GRAMD2B: variants seen among roughly 807,000 people sequenced by gnomAD.
GRAMD2B encodes GRAM domain-containing protein 2B.
Under a neutral mutation model 59.2 loss-of-function variants are expected in GRAMD2B, and 41 were observed. The ratio of observed to expected loss-of-function variants is 0.69; its 90% CI spans 0.54 to 0.90. The LOEUF is 0.90. GRAMD2B is among the 40% of genes least tolerant of loss of function. The probability of loss-of-function intolerance (pLI) is 0.00; values close to 1 mark genes in which losing one functional copy is unlikely to be tolerated. For missense variants in GRAMD2B, 424 were observed against 500.5 expected (o/e 0.85, Z 1.46); for synonymous variants, 161 against 182.7 (o/e 0.88, Z 0.96).
At chr5:126,375,659 C>A (rs1014449787) in intron 1 of GRAMD2B, among the ~76,000 whole-genome samples, 1 of 152,124 alleles carries the variant, frequency 6.6e-6, no homozygotes, top group Non-Finnish European at 1.5e-5. Flanking sequence ...CATGAGCCAC[C>A]GCGCCCGGCC....
intron 1 of GRAMD2B, among the ~76,000 whole-genome samples, chr5:126,411,201 TC>T (rs1758754619): frequency 6.6e-6 from 1 of 152,048 alleles, no homozygotes; most frequent in African/African-American, 2.4e-5. Flanking sequence ...AAATGGTGTT[TC>T]CTAGGTTTTC....
chr5:126,418,091 T>C (rs1759409518), intron 1 of GRAMD2B, among the ~76,000 whole-genome samples: 1 of 152,102 alleles, frequency 6.6e-6, no homozygotes, highest in Non-Finnish European at 1.5e-5. Context: ...TGCATTGAAA[T>C]AGCAGCAGGA....
rs61278593 is a variant in GRAMD2B at position 126,378,725 on chromosome 5, T to C, written c.125+7158T>C. 4.0e-3 allele frequency among the ~76,000 whole-genome samples: 614 copies of C among 152,344 alleles called. 2 individuals carry two copies. The highest frequency in any genetic ancestry group is 0.014 in the African/African-American group (570 of 41,578). Reference sequence around the variant, plus strand: ...AATGAACTCCCAACAGGAATGCATGTTGGCTTGTGACTGCCTGTTATCAGC... The same window carrying C: ...AATGAACTCCCAACAGGAATGCATGCTGGCTTGTGACTGCCTGTTATCAGC... On this transcript the variant is annotated intron_variant, in intron 1 of 8. Coordinates refer to the GRAMD2B transcript ENST00000506445.
At chr5:126,489,538 G>C (rs1561619498) in intron 13 of GRAMD2B, among the ~76,000 whole-genome samples, 1 of 152,202 alleles carries the variant, frequency 6.6e-6, no homozygotes, top group Non-Finnish European at 1.5e-5. Flanking sequence ...CTGCTTTACT[G>C]TTCCTCAGAA....
intron 13 of GRAMD2B, among the ~76,000 whole-genome samples, chr5:126,491,826 C>T (rs1773993042): frequency 6.6e-6 from 1 of 152,050 alleles, no homozygotes; most frequent in African/African-American, 2.4e-5. Flanking sequence ...CCCCACCTTC[C>T]AGGTTCAAGC....
intron 3 of GRAMD2B, among the ~76,000 whole-genome samples, chr5:126,471,706 A>C (rs779770717): frequency 2.0e-5 from 3 of 152,198 alleles, no homozygotes; most frequent in Non-Finnish European, 2.9e-5. Context: ...GCCTCATGGC[A>C]TCCCTTGAGG....
chr5:126,473,406 T>C, intron 5 of GRAMD2B, 38 bp downstream of exon 5: 1 of 663,472 alleles, frequency 1.5e-6, no homozygotes, highest in South Asian at 2.4e-5. Context: ...AACCCTATAC[T>C]TTATTATATA....
intron 1 of GRAMD2B, among the ~76,000 whole-genome samples, chr5:126,386,536 A>G (rs1396546372): frequency 1.3e-5 from 2 of 152,214 alleles, no homozygotes; most frequent in Non-Finnish European, 2.9e-5. Context: ...GAGGTGGACA[A>G]TCCAAGGCTG....
At chr5:126,412,867 T>C (rs1758937209) in intron 1 of GRAMD2B, among the ~76,000 whole-genome samples, 1 of 152,124 alleles carries the variant, frequency 6.6e-6, no homozygotes, top group Non-Finnish European at 1.5e-5. Context: ...AATTCAGCCA[T>C]ATCCTCTAGA....
At chr5:126,419,450 A>G (rs1397065066), upstream of GRAMD2B, among the ~76,000 whole-genome samples, 3 of 152,152 alleles carry the variant, frequency 2.0e-5, no homozygotes, top group Non-Finnish European at 4.4e-5. Context: ...AACCACCACT[A>G]TGATCCAATC....
At chr5:126,477,826 C>A in intron 6 of GRAMD2B, 39 bp downstream of exon 6, 1 of 1,237,590 alleles carries the variant, frequency 8.1e-7, no homozygotes, top group Non-Finnish European at 1.2e-6. Context: ...TTGCTTTGTC[C>A]TCCTGCTCTG....
chr5:126,480,760 A>C, intron 8 of GRAMD2B, 53 bp downstream of exon 8: 1 of 1,474,722 alleles, frequency 6.8e-7, no homozygotes, highest in Non-Finnish European at 9.5e-7. Flanking sequence ...TATGTCCCAC[A>C]ATTACACTTG....
intron 1 of GRAMD2B, among the ~76,000 whole-genome samples, chr5:126,382,932 G>C (rs903305009): frequency 6.6e-6 from 1 of 152,072 alleles, no homozygotes; most frequent in African/African-American, 2.4e-5. Flanking sequence ...GGGGCTTCCT[G>C]AGAGCCAGAC....
chr5:126,490,958 G>A (rs1015376896), intron 13 of GRAMD2B, among the ~76,000 whole-genome samples: 4 of 152,122 alleles, frequency 2.6e-5, no homozygotes, highest in African/African-American at 9.7e-5. Context: ...GTCTTCAAAT[G>A]TCTCCTCAAA....
In GRAMD2B at chr5:126,473,380, TA is replaced by T. The variant is rs373105148; in HGVS notation, c.486+23del. 51,145 of 830,100 alleles carry T rather than the reference TA, an allele frequency of 0.062. 115 individuals carry two copies. The highest frequency in any genetic ancestry group is 0.084 in the South Asian group (4,166 of 49,400). The allele number at this position is 830,100 out of a possible 1,614,324, so 51.4% of individuals were successfully genotyped here. ...GAAAAGACACAAAGGTTGGTATAAT[TA>T]AAAAAAAAAATGCTAACCCTATACT... On this transcript the variant is annotated intron_variant, in intron 5 of 13. Coordinates refer to ENST00000285689, the MANE Select transcript of GRAMD2B (RefSeq NM_023927.4).
chr5:126,388,650 G>T lies in GRAMD2B; in HGVS notation c.125+17083G>T, dbSNP rs530700378. 6.7e-5 allele frequency among the ~76,000 whole-genome samples: 10 copies of T among 150,086 alleles called. No homozygotes were observed. The East Asian group carries it at 1.9e-3, about 29-fold the overall frequency. On this transcript the variant is annotated intron_variant, in intron 1 of 8. Transcript: ENST00000506445. Reference sequence around the variant, plus strand: ...ATTCATCTTAATATAAGACGATCACGTTGTATAAGCCATGTAATTCAGCAC... The same window carrying T: ...ATTCATCTTAATATAAGACGATCACTTTGTATAAGCCATGTAATTCAGCAC...
At position 126,469,665 on chromosome 5, in the gene GRAMD2B, T is replaced by C. The variant is rs780471459; in HGVS notation, c.204-12T>C. On this transcript the variant is annotated splice_polypyrimidine_tract_variant and intron_variant, in intron 2 of 13. Transcript: ENST00000285689. Reference sequence around the variant, plus strand: ...AATTATCTTATAGACACCCTGGACTTTCTTTCTTTAGGTCAAAATCCAGTT... The same window carrying C: ...AATTATCTTATAGACACCCTGGACTCTCTTTCTTTAGGTCAAAATCCAGTT... 29 of 1,590,658 alleles carry C rather than the reference T, an allele frequency of 1.8e-5. No homozygotes were observed. The highest frequency in any genetic ancestry group is 2.5e-5 in the Non-Finnish European group (29 of 1,160,504).
At chr5:126,448,715 G>A (rs570806096) in intron 1 of GRAMD2B, among the ~76,000 whole-genome samples, 2 of 152,258 alleles carry the variant, frequency 1.3e-5, no homozygotes, top group South Asian at 4.2e-4. Context: ...ATATTAAGGA[G>A]GTAAAGTCTA....
chr5:126,446,195 C>T (rs77789658), intron 1 of GRAMD2B, among the ~76,000 whole-genome samples: 4,085 of 152,080 alleles, frequency 0.027, 182 homozygotes, highest in African/African-American at 0.093. Flanking sequence ...TTTATTTTTT[C>T]AAAGAATCTT....
Sources: allele counts gnomAD v4.1 joint callset (sites outside exome capture counted in the v4.1 genomes callset), GRCh38; gene constraint gnomAD v4.1.1; transcripts MANE v1.5; gene names NCBI Gene and HGNC (gene_info 2026-07-23, HGNC 2026-07-21).